Variants in CWC22 observed in about 807,000 individuals in gnomAD.
CWC22 encodes the protein pre-mRNA-splicing factor CWC22 homolog.
Under a neutral mutation model 117.2 loss-of-function variants are expected in CWC22, and 53 were observed. That is an observed-to-expected ratio of 0.45 (90% CI 0.36 to 0.57). CWC22 has a LOEUF of 0.57. Ranked by LOEUF, CWC22 falls within the 20% of genes least tolerant of loss-of-function variation. The pLI, the probability that CWC22 is intolerant of heterozygous loss-of-function variation, is 0.00. For synonymous variants in CWC22, 360 were observed against 355.6 expected, an observed-to-expected ratio of 1.01 and a Z score of -0.14; for missense variants, 980 against 1,068.8, an observed-to-expected ratio of 0.92 and a Z score of 1.16.
At chr2:179,990,707 T>C (rs1459192255) in intron 2 of CWC22, among the ~76,000 whole-genome samples, 1 of 152,206 alleles carries the variant, frequency 6.6e-6, no homozygotes, top group African/African-American at 2.4e-5. Flanking sequence ...GCCCCAATTC[T>C]GTACTAATGA....
chr2:179,950,939 A>C lies in CWC22; in HGVS notation c.1818-13T>G, dbSNP rs1231051066. On this transcript the variant is annotated splice_polypyrimidine_tract_variant and intron_variant, in intron 17 of 19. Transcript: ENST00000410053. ...TGGCTGCAGAGTTCTAAAAAGGAAAAAAATAAACAAAAGAGAACACATTGC... is the reference window on the plus strand; with the variant it reads ...TGGCTGCAGAGTTCTAAAAAGGAAACAAATAAACAAAAGAGAACACATTGC... 2.7e-6 allele frequency: 4 copies of C among 1,473,066 alleles called. No homozygotes were observed. The East Asian group carries it at 9.8e-5, about 36-fold the overall frequency. The allele number at this position is 1,473,066 out of a possible 1,614,324, so 91.2% of individuals were successfully genotyped here.
At chr2:179,967,949 G>C (rs1429089228) in intron 11 of CWC22, among the ~76,000 whole-genome samples, 1 of 152,082 alleles carries the variant, frequency 6.6e-6, no homozygotes, top group East Asian at 1.9e-4. Context: ...TATCTGCGAT[G>C]ATGAAAACAT....
intron 8 of CWC22, 24 bp downstream of exon 8, chr2:179,973,167 ACC>A (rs1687074478): frequency 1.3e-6 from 2 of 1,544,634 alleles, no homozygotes. Flanking sequence ...ACTGAATGGG[ACC>A]AAGTATTGAA....
intron 19 of CWC22, among the ~76,000 whole-genome samples, chr2:179,947,429 C>T (rs1369762297): frequency 6.6e-6 from 1 of 152,186 alleles, no homozygotes; most frequent in Non-Finnish European, 1.5e-5. Flanking sequence ...TCTCCGTTTG[C>T]TATGTTTGCA....
intron 1 of CWC22, among the ~76,000 whole-genome samples, chr2:179,999,302 A>G (rs570563015): frequency 3.6e-4 from 55 of 152,280 alleles, no homozygotes; most frequent in African/African-American, 1.3e-3. Flanking sequence ...AAGCATCACT[A>G]TGTGAATTTT....
At chr2:179,972,831 C>A (rs1479814978) in intron 8 of CWC22, among the ~76,000 whole-genome samples, 1 of 151,758 alleles carries the variant, frequency 6.6e-6, no homozygotes, top group Non-Finnish European at 1.5e-5. Context: ...CATGGTGAAA[C>A]CCCGTCTCTA....
At chr2:179,988,055 A>G (rs1687465534) in intron 3 of CWC22, among the ~76,000 whole-genome samples, 1 of 152,178 alleles carries the variant, frequency 6.6e-6, no homozygotes, top group South Asian at 2.1e-4. Context: ...CACAGTTCAC[A>G]AGAGGGTTTG....
At chr2:179,993,228 G>A (rs995394244) in intron 2 of CWC22, 87 bp downstream of exon 2, 2 of 1,010,006 alleles carry the variant, frequency 2.0e-6, no homozygotes, top group Non-Finnish European at 3.0e-6. Context: ...TGGCTCTGAT[G>A]TCCTAATTAC....
At chr2:179,975,424 T>C (rs1045141836) in intron 6 of CWC22, among the ~76,000 whole-genome samples, 62 of 152,156 alleles carry the variant, frequency 4.1e-4, no homozygotes, top group Admixed American at 1.2e-3. Context: ...AACATAGTAC[T>C]AGAAGTCCTA....
chr2:179,954,124 T>C (rs1406007056), intron 16 of CWC22, 81 bp downstream of exon 16: 4 of 1,014,716 alleles, frequency 3.9e-6, no homozygotes, highest in Middle Eastern at 2.2e-4. Flanking sequence ...CATAATAGGA[T>C]AAATATGGCT....
At chr2:179,972,682 G>T (rs1487904250) in intron 8 of CWC22, among the ~76,000 whole-genome samples, 1 of 152,104 alleles carries the variant, frequency 6.6e-6, no homozygotes, top group Non-Finnish European at 1.5e-5. Context: ...TATCTAAAGT[G>T]TTTTGATCAG....
chr2:179,945,767 T>A (rs1033646822), intron 19 of CWC22, 52 bp from the exon 20 acceptor site: 82 of 1,128,818 alleles, frequency 7.3e-5, no homozygotes, highest in Non-Finnish European at 8.4e-5. Context: ...CTTAATTTCA[T>A]AATTATAACA....
At chr2:179,954,902 T>C (rs915537144) in intron 15 of CWC22, 55 bp downstream of exon 15, 2 of 1,039,616 alleles carry the variant, frequency 1.9e-6, no homozygotes, top group African/African-American at 3.2e-5. Context: ...AAAGCAGAAA[T>C]CATTAATTTA....
chr2:179,996,474 C>A (rs1042902279), intron 1 of CWC22, among the ~76,000 whole-genome samples: 1 of 151,948 alleles, frequency 6.6e-6, no homozygotes, highest in Non-Finnish European at 1.5e-5. Flanking sequence ...AGAGAAAAAT[C>A]CTGAAAGCAG....
intron 2 of CWC22, among the ~76,000 whole-genome samples, chr2:179,992,099 T>C (rs536206869): frequency 6.6e-6 from 1 of 152,210 alleles, no homozygotes; most frequent in Non-Finnish European, 1.5e-5. Flanking sequence ...GAAGGAACTT[T>C]AGGTGTGTAC....
At chr2:179,948,489 G>T (rs1309762108) in intron 19 of CWC22, among the ~76,000 whole-genome samples, 1 of 152,072 alleles carries the variant, frequency 6.6e-6, no homozygotes, top group Non-Finnish European at 1.5e-5. Flanking sequence ...CTCCCTACAA[G>T]ACATTTTCAC....
intron 2 of CWC22, among the ~76,000 whole-genome samples, chr2:179,990,169 T>C (rs1336087453): frequency 6.6e-6 from 1 of 152,182 alleles, no homozygotes; most frequent in East Asian, 1.9e-4. Context: ...GCTGTTACTT[T>C]GCATTAAATT....
At chr2:179,949,197 C>T (rs758394220) in intron 19 of CWC22, among the ~76,000 whole-genome samples, 2 of 152,050 alleles carry the variant, frequency 1.3e-5, no homozygotes, top group African/African-American at 2.4e-5. Context: ...TTCAGGGATG[C>T]TACTGAGGGA....
At chr2:179,967,689 T>C (rs550882703) in intron 11 of CWC22, among the ~76,000 whole-genome samples, 1 of 152,322 alleles carries the variant, frequency 6.6e-6, no homozygotes, top group South Asian at 2.1e-4. Flanking sequence ...TATAGGACTT[T>C]ATCCTAATCT....
Sources: allele counts gnomAD v4.1 joint callset (sites outside exome capture counted in the v4.1 genomes callset), GRCh38; gene constraint gnomAD v4.1.1; transcripts MANE v1.5; gene names NCBI Gene and HGNC (gene_info 2026-07-23, HGNC 2026-07-21).